Variants in STRIP2 observed in about 807,000 individuals in gnomAD.
The protein encoded by STRIP2 is striatin-interacting protein 2.
STRIP2 carries 84 observed loss-of-function variants against 107.1 expected under a neutral mutation model. The observed-to-expected ratio is 0.78, with a 90% confidence interval of 0.66 to 0.94. The LOEUF (loss-of-function observed/expected upper bound fraction) is 0.94, where lower values mean the gene tolerates loss of function less well. Ranked by LOEUF, STRIP2 falls within the 40% of genes least tolerant of loss-of-function variation. The pLI is 0.00. For missense variants in STRIP2, 888 were observed against 1,034.2 expected, an observed-to-expected ratio of 0.86 and a Z score of 1.94; for synonymous variants, 394 against 400.4, an observed-to-expected ratio of 0.98 and a Z score of 0.19.
At chr7:129,475,303 TA>T (rs1245320309) in intron 18 of STRIP2, among the ~76,000 whole-genome samples, 1 of 152,088 alleles carries the variant, frequency 6.6e-6, no homozygotes, top group African/African-American at 2.4e-5. Context: ...AAATATTAAA[TA>T]TTTTATATGT....
chr7:129,445,892 C>G (rs1447207793), intron 3 of STRIP2, among the ~76,000 whole-genome samples: 1 of 152,132 alleles, frequency 6.6e-6, no homozygotes, highest in Admixed American at 6.5e-5. Context: ...ATAGGCAAAC[C>G]CTTATCTGGA....
intron 3 of STRIP2, among the ~76,000 whole-genome samples, chr7:129,445,987 T>C (rs1468398997): frequency 1.3e-5 from 2 of 152,218 alleles, no homozygotes; most frequent in Non-Finnish European, 2.9e-5. Context: ...ACCAGGTAGC[T>C]GGCTGATCAC....
chr7:129,467,491 G>T (rs1584959288), intron 17 of STRIP2, 41 bp downstream of exon 17: 2 of 1,476,316 alleles, frequency 1.4e-6, no homozygotes, highest in Admixed American at 1.7e-5. Flanking sequence ...GGCTATTTTG[G>T]GGTGGTTGAG....
At chr7:129,434,691 C>A (rs1009085816) in intron 1 of STRIP2, 90 bp downstream of exon 1, 1 of 1,353,904 alleles carries the variant, frequency 7.4e-7, no homozygotes, top group African/African-American at 1.5e-5. Flanking sequence ...GCCCCGGAGC[C>A]CTCGGCGCGC....
At chr7:129,438,179 G>A (rs1297569136) in intron 1 of STRIP2, among the ~76,000 whole-genome samples, 5 of 152,100 alleles carry the variant, frequency 3.3e-5, no homozygotes, top group African/African-American at 1.2e-4. Context: ...ACTTTAAAAT[G>A]TTCATAAGAT....
At position 129,483,154 on chromosome 7, in the gene STRIP2, TG is replaced by T. The variant is rs1799171631; in HGVS notation, c.2254+109del. On this transcript the variant is annotated intron_variant, in intron 20 of 20. Coordinates refer to ENST00000249344, the MANE Select transcript of STRIP2 (RefSeq NM_020704.3). This position sits in a 1 kb window ranked among gnomAD's most constrained non-coding sequence, Gnocchi z 5.1. ...GGCATGAATTGTTACATATTTTAGA[TG>T]AAAAAATATGTGATTATAGGTCAGG... is the stretch of plus-strand genomic sequence containing the variant. 6.8e-7 allele frequency: 1 copy of T among 1,474,788 alleles called. No individual in the cohort carries two copies. Among genetic ancestry groups the T allele is most frequent in the Admixed American group, 2.6e-5 (1 of 38,840 alleles). The allele number at this position is 1,474,788 out of a possible 1,614,324, so 91.4% of individuals were successfully genotyped here.
intron 3 of STRIP2, among the ~76,000 whole-genome samples, chr7:129,448,555 C>T (rs750559026): frequency 1.4e-4 from 21 of 152,108 alleles, no homozygotes; most frequent in South Asian, 6.2e-4. Flanking sequence ...TTCGTCCATT[C>T]GACCTACAAG....
chr7:129,443,377 A>G (rs966321939), intron 2 of STRIP2, among the ~76,000 whole-genome samples: 2 of 152,086 alleles, frequency 1.3e-5, no homozygotes, highest in African/African-American at 4.8e-5. Context: ...AGCTTTTTGC[A>G]TTTTGTATTG....
intron 18 of STRIP2, among the ~76,000 whole-genome samples, chr7:129,472,382 T>C (rs1203490130): frequency 4.6e-5 from 7 of 152,360 alleles, no homozygotes; most frequent in African/African-American, 1.7e-4. Context: ...ATAAAATTAC[T>C]GAAATGAAGT....
chr7:129,447,063 C>A (rs1798057200), intron 3 of STRIP2, among the ~76,000 whole-genome samples: 1 of 152,212 alleles, frequency 6.6e-6, no homozygotes, highest in Non-Finnish European at 1.5e-5. Flanking sequence ...TGGGAGCCTG[C>A]CAAAGGCACC....
At chr7:129,464,780 G>C in intron 16 of STRIP2, 42 bp downstream of exon 16, 1 of 1,612,952 alleles carries the variant, frequency 6.2e-7, no homozygotes, top group Non-Finnish European at 8.5e-7. Flanking sequence ...TTGGGTGTTT[G>C]CCAGGCCCTA....
At chr7:129,435,498 A>G (rs1000437738) in intron 1 of STRIP2, among the ~76,000 whole-genome samples, 2 of 152,188 alleles carry the variant, frequency 1.3e-5, no homozygotes, top group African/African-American at 4.8e-5. Context: ...CCAAGATCAG[A>G]CATCTGGCAT....
rs575697187 is a variant in STRIP2, at chr7:129,478,374, G to A, written c.1945-2411G>A. ...AAAATACAAAAATTAGCTGGGTGTG[G>A]TGGCGGGCACCTGTAATCCCAGCTA... is the stretch of plus-strand genomic sequence containing the variant. On this transcript the variant is annotated intron_variant, in intron 18 of 20. Transcript: ENST00000249344. Among the ~76,000 whole-genome samples the A allele has an allele frequency of 4.9e-3, 748 of 152,200 alleles. 2 individuals are homozygous for A. The highest frequency in any genetic ancestry group is 6.8e-3 in the Non-Finnish European group (464 of 68,004).
chr7:129,455,212 A>C (rs779625454), intron 7 of STRIP2, 32 bp from the exon 8 acceptor site: 3 of 1,588,688 alleles, frequency 1.9e-6, no homozygotes, highest in East Asian at 4.6e-5. Flanking sequence ...CCTCATCCTC[A>C]CTTTCTCACT....
intron 17 of STRIP2, among the ~76,000 whole-genome samples, chr7:129,468,939 T>C (rs571436285): frequency 6.6e-6 from 1 of 152,334 alleles, no homozygotes; most frequent in South Asian, 2.1e-4. Context: ...TCCAGTTTCC[T>C]CTCTCACTGA....
intron 18 of STRIP2, among the ~76,000 whole-genome samples, chr7:129,479,106 C>G (rs556710921): frequency 1.3e-5 from 2 of 152,136 alleles, no homozygotes; most frequent in African/African-American, 4.8e-5. Context: ...GAAACCCCAT[C>G]TCTACCAAAA....
chr7:129,435,112 TC>T (rs887166406), intron 1 of STRIP2, among the ~76,000 whole-genome samples: 1 of 151,944 alleles, frequency 6.6e-6, no homozygotes, highest in African/African-American at 2.4e-5. Context: ...CCCGTCCCCT[TC>T]CCCCCGTAAG....
At chr7:129,475,559 T>C (rs1164569821) in intron 18 of STRIP2, among the ~76,000 whole-genome samples, 10 of 121,414 alleles carry the variant, frequency 8.2e-5, no homozygotes, top group Admixed American at 3.5e-4. Context: ...TTTTCTTTTT[T>C]TTTTTTTTCT....
intron 3 of STRIP2, among the ~76,000 whole-genome samples, chr7:129,448,971 C>A (rs905369358): frequency 1.3e-5 from 2 of 152,164 alleles, no homozygotes; most frequent in African/African-American, 4.8e-5. Flanking sequence ...AGTGACTAAT[C>A]CACTCCACCA....
Sources: allele counts gnomAD v4.1 joint callset (sites outside exome capture counted in the v4.1 genomes callset), GRCh38; gene constraint gnomAD v4.1.1; non-coding constraint Gnocchi (gnomAD v3.1); transcripts MANE v1.5; gene names NCBI Gene and HGNC (gene_info 2026-07-23, HGNC 2026-07-21).